RP1L1: variants seen among roughly 807,000 people sequenced by gnomAD.
RP1L1 encodes RP1 like 1, also known as retinitis pigmentosa 1-like 1 protein.
In RP1L1, 27 loss-of-function variants were observed where a neutral mutation model predicts 15.7. That is an observed-to-expected ratio of 1.72 (90% CI 1.27 to 2.38). The LOEUF (loss-of-function observed/expected upper bound fraction) is 2.38. RP1L1 is among the 30% of genes most tolerant of loss of function. The pLI is 0.00. For synonymous variants in RP1L1, 1,813 were observed against 1,276.7 expected (o/e 1.42, Z -8.96); for missense variants, 4,798 against 3,075.9 (o/e 1.56, Z -13.24).
Position 10,616,551 on chromosome 8 carries a change from C to T in RP1L1, c.646G>A (p.Val216Met). ...GCCTCATGCCCGGCACACACCAGCA[C>T]AGAGGGGCTGTGCAGCAGGGCCTGC... ...SLQALLHSPS[V>M]LVCAGHEAFR... The change falls in exon 3 of 4, where the codon GTG becomes ATG. Residue 216 changes from valine to methionine, a missense_variant. Transcript: ENST00000382483. 6.2e-7 allele frequency: 1 copy of T among 1,613,954 alleles called. No homozygotes were observed. The highest frequency in any genetic ancestry group is 8.5e-7 in the Non-Finnish European group (1 of 1,180,032).
In RP1L1 at chr8:10,622,671, G is replaced by T; in HGVS notation, c.531C>A (p.Asn177Lys). The change falls in exon 2 of 4, where the codon AAC becomes AAA. Residue 177 changes from asparagine to lysine, a missense_variant. Coordinates refer to ENST00000382483, the MANE Select transcript of RP1L1 (RefSeq NM_178857.6). ...TVVLSHRNTR[N>K]LAAFLGKASD... ...AGGCTTTGCCGAGAAAGGCGGCCAG[G>T]TTCCTAGTATTCCTGTGACTGAGAA... 6.2e-7 allele frequency: 1 copy of T among 1,614,200 alleles called. No individual in the cohort carries two copies.
intron 1 of RP1L1, among the ~76,000 whole-genome samples, chr8:10,648,064 C>A (rs1213253774): frequency 6.6e-6 from 1 of 151,852 alleles, no homozygotes; most frequent in African/African-American, 2.4e-5. Context: ...CAGAGTCTCA[C>A]TCCGTTGTCC....
Position 10,607,697 on chromosome 8 carries a change from G to C in RP1L1, c.6401C>G (p.Ala2134Gly), listed in dbSNP as rs768453170. The stretch of plus-strand genomic sequence containing the variant: ...CTGGGCCTCCCCTTCAGCCTCTGGG[G>C]CCTCTATACCTTCTGACTCTGGCTG... ...EAQPESEGIE[A>G]PEAEGEAQPE... is the part of the protein sequence containing the mutation. Residue 2134 changes from alanine to glycine, a missense_variant, in exon 4 of 4, where the codon GCC becomes GGC. Physicochemically the swap from Ala to Gly is moderately conservative, Grantham distance 60 (BLOSUM62 0). Transcript: ENST00000382483. 6.2e-7 allele frequency: 1 copy of C among 1,602,558 alleles called. No individual in the cohort carries two copies. Among genetic ancestry groups the C allele is most frequent in the Non-Finnish European group, 8.5e-7 (1 of 1,176,490 alleles).
At chr8:10,623,663 G>GC (rs954813858) in intron 1 of RP1L1, among the ~76,000 whole-genome samples, 2 of 150,558 alleles carry the variant, frequency 1.3e-5, no homozygotes, top group Non-Finnish European at 3.0e-5. Flanking sequence ...CATGTCCCCA[G>GC]CAAAGCCACA....
chr8:10,610,806 T>C lies in RP1L1; in HGVS notation c.3292A>G (p.Ser1098Gly), dbSNP rs1039300180. ...GGCCTAGACACTTCGGGCACGCTGC[T>C]GGGCCGGCCCTGCTTGGAGCCCATC... ...ALMGSKQGRP[S>G]SVPEVSRPMA... is the part of the protein sequence containing the mutation. Residue 1098 changes from serine to glycine, a missense_variant, in exon 4 of 4, where the codon AGC becomes GGC. By Grantham distance (56) the Ser-to-Gly change is moderately conservative. Transcript: ENST00000382483. 5.0e-6 allele frequency: 8 copies of C among 1,609,796 alleles called. No homozygotes were observed. Among genetic ancestry groups the C allele is most frequent in the Non-Finnish European group, 6.8e-6 (8 of 1,177,588 alleles).
intron 1 of RP1L1, among the ~76,000 whole-genome samples, chr8:10,631,210 C>G (rs908692374): frequency 6.6e-6 from 1 of 151,918 alleles, no homozygotes; most frequent in Non-Finnish European, 1.5e-5. Context: ...AAAACACACA[C>G]ACACACACAC....
intron 1 of RP1L1, among the ~76,000 whole-genome samples, chr8:10,645,348 C>G (rs1306068766): frequency 6.6e-6 from 1 of 152,018 alleles, no homozygotes; most frequent in African/African-American, 2.4e-5. Context: ...AATGAACAAA[C>G]AAAAATATCT....
rs1423479653 is a variant in RP1L1, at chr8:10,644,866, G to A, written c.-20+10032C>T. On this transcript the variant is annotated intron_variant, in intron 1 of 3. Coordinates refer to ENST00000382483, the MANE Select transcript of RP1L1 (RefSeq NM_178857.6). ...GATGAGAACCACATTTTACAACTCT[G>A]CACAAGTACAGGGGCTGTTATTACC... Among the ~76,000 whole-genome samples, 5 of 152,178 alleles carry A rather than the reference G, an allele frequency of 3.3e-5. No homozygotes were observed. The East Asian group carries it at 7.7e-4, about 23-fold the overall frequency.
In RP1L1 at chr8:10,607,666, C is replaced by A. The variant is rs1323452272; in HGVS notation, c.6432G>T (p.Glu2144Asp). ...APEAEGEAQP[E>D]SEGVEAQDAE... is the part of the protein sequence containing the mutation. Reference sequence around the variant, plus strand: ...CATCCTGGGCCTCTACACCTTCTGACTCAGGCTGGGCCTCCCCTTCAGCCT... The same window carrying A: ...CATCCTGGGCCTCTACACCTTCTGAATCAGGCTGGGCCTCCCCTTCAGCCT... The change falls in exon 4 of 4, where the codon GAG becomes GAT. Residue 2144 changes from glutamate to aspartate, a missense_variant. Physicochemically the swap from Glu to Asp is conservative, Grantham distance 45 (BLOSUM62 2). Coordinates refer to ENST00000382483, the MANE Select transcript of RP1L1 (RefSeq NM_178857.6). The A allele has an allele frequency of 6.3e-7, 1 of 1,589,434 alleles. No individual in the cohort carries two copies. Among genetic ancestry groups the A allele is most frequent in the Non-Finnish European group, 8.6e-7 (1 of 1,165,186 alleles).
In RP1L1 at chr8:10,606,681, C is replaced by T. The variant is rs564006223; in HGVS notation, c.*214G>A. On this transcript the variant is annotated 3_prime_UTR_variant, in exon 4 of 4. Transcript: ENST00000382483. ...GATCCGCAGACACCCCCTTTCTTCACACTGCGTGTGGGACGGGCCGCAGAG... is the reference window on the plus strand; with the variant it reads ...GATCCGCAGACACCCCCTTTCTTCATACTGCGTGTGGGACGGGCCGCAGAG... 3 of 743,050 alleles carry T rather than the reference C, an allele frequency of 4.0e-6. No individual in the cohort carries two copies. In the African/African-American group the frequency reaches 5.3e-5, roughly 13 times the overall value. 46.0% of individuals were successfully genotyped at this position (743,050 alleles called of 1,614,324 possible).
intron 1 of RP1L1, among the ~76,000 whole-genome samples, chr8:10,636,508 G>A (rs1000480411): frequency 2.0e-5 from 3 of 152,138 alleles, no homozygotes; most frequent in African/African-American, 7.2e-5. Context: ...TTGAGGCCCC[G>A]CCTTCTTCCC....
chr8:10,610,686 T>G lies in RP1L1; in HGVS notation c.3412A>C (p.Lys1138Gln). ...FEEDLGSPAS[K>Q]VRFKDSPRYQ... ...CGAGGGGAGTCTTTGAACCTCACTT[T>G]GCTGGCAGGAGACCCAAGGTCTTCC... is the stretch of plus-strand genomic sequence containing the variant. The change falls in exon 4 of 4, where the codon AAA (lysine) becomes CAA (glutamine). Residue 1138 changes from lysine to glutamine, a missense_variant. Coordinates refer to ENST00000382483, the MANE Select transcript of RP1L1 (RefSeq NM_178857.6). 1 of 1,612,362 alleles carries G rather than the reference T, an allele frequency of 6.2e-7. No homozygotes were observed.
rs1299524230 is a variant in RP1L1 at position 10,622,741 on chromosome 8, A to AT, written c.460dup (p.Ile154AsnfsTer5). ...AGGGTCCATGTTCTTAATCAGCAGT[A>AT]TCCTCCGGGGGGTTTTAAGACTCTT... On this transcript the variant is annotated frameshift_variant, in exon 2 of 4. Coordinates refer to ENST00000382483, the MANE Select transcript of RP1L1 (RefSeq NM_178857.6). LOFTEE classifies it high-confidence loss of function. 1 of 1,614,132 alleles carries AT rather than the reference A, an allele frequency of 6.2e-7. No homozygotes were observed. The highest frequency in any genetic ancestry group is 8.5e-7 in the Non-Finnish European group (1 of 1,180,010).
At chr8:10,637,680 C>G (rs1001604166) in intron 1 of RP1L1, among the ~76,000 whole-genome samples, 1 of 152,174 alleles carries the variant, frequency 6.6e-6, no homozygotes, top group Non-Finnish European at 1.5e-5. Flanking sequence ...TATAGCTCAG[C>G]TGAGTTTTCC....
Position 10,608,711 on chromosome 8 carries a change from C to T in RP1L1, c.5387G>A (p.Gly1796Asp). The change falls in exon 4 of 4, where the codon GGC becomes GAC. Residue 1796 changes from glycine (G) to aspartate (D), a missense_variant. Coordinates refer to ENST00000382483, the MANE Select transcript of RP1L1 (RefSeq NM_178857.6). Reference sequence around the variant, plus strand: ...CCCAGTTTCTCCCCTTTCACTTATGCCCTCTCCCTCCTGCTCAGCTTCCCC... The same window carrying T: ...CCCAGTTTCTCCCCTTTCACTTATGTCCTCTCCCTCCTGCTCAGCTTCCCC... ...ELGEAEQEGE[G>D]ISERGETGGQ... The T allele has an allele frequency of 6.2e-7, 1 of 1,614,234 alleles. No individual in the cohort carries two copies. The highest frequency in any genetic ancestry group is 8.5e-7 in the Non-Finnish European group (1 of 1,180,052).
chr8:10,653,778 C>G (rs143756901), intron 1 of RP1L1, among the ~76,000 whole-genome samples: 221 of 152,292 alleles, frequency 1.5e-3, no homozygotes, highest in African/African-American at 5.2e-3. Flanking sequence ...AAGAGGATTT[C>G]TGGAAGATGT....
chr8:10,654,645 C>T lies in RP1L1; in HGVS notation c.-20+253G>A, dbSNP rs144536353. Reference sequence around the variant, plus strand: ...AGAAACAGACAGGCTGTGATACTAACATCCTGTAAATCAACGAGCAGAAAC... The same window carrying T: ...AGAAACAGACAGGCTGTGATACTAATATCCTGTAAATCAACGAGCAGAAAC... On this transcript the variant is annotated intron_variant, in intron 1 of 3. Coordinates refer to ENST00000382483, the MANE Select transcript of RP1L1 (RefSeq NM_178857.6). 2.9e-3 allele frequency among the ~76,000 whole-genome samples: 438 copies of T among 152,358 alleles called. 3 individuals are homozygous for T. The highest frequency in any genetic ancestry group is 0.01 in the African/African-American group (418 of 41,588).
chr8:10,627,003 A>C (rs1374339138), intron 1 of RP1L1, among the ~76,000 whole-genome samples: 1 of 152,200 alleles, frequency 6.6e-6, no homozygotes, highest in Non-Finnish European at 1.5e-5. Context: ...ACGTGTTGGC[A>C]TGGATGGGGA....
chr8:10,653,534 C>T lies in RP1L1; in HGVS notation c.-20+1364G>A, dbSNP rs369365280. Among the ~76,000 whole-genome samples, 163 of 151,934 alleles carry T rather than the reference C, an allele frequency of 1.1e-3. 2 individuals carry two copies. The highest frequency in any genetic ancestry group is 3.4e-3 in the African/African-American group (141 of 41,442). ...AACACATGCATCACATGCACACACA[C>T]GTCACATGCACACCCACCTGTATAC... On this transcript the variant is annotated intron_variant, in intron 1 of 3. Transcript: ENST00000382483.
Sources: gnomAD v4.1 joint callset for allele counts (sites outside exome capture counted in the v4.1 genomes callset) on GRCh38, gnomAD v4.1.1 for gene constraint, MANE v1.5 for transcripts, NCBI Gene and HGNC (gene_info 2026-07-23, HGNC 2026-07-21) for gene names.